Variants in ROBO2 observed in about 807,000 individuals in gnomAD.
ROBO2 encodes roundabout homolog 2.
In ROBO2, 53 loss-of-function variants were observed where a neutral mutation model predicts 160.8. The ratio of observed to expected loss-of-function variants is 0.33; its 90% CI spans 0.26 to 0.41. The LOEUF is 0.41. Among genes scored for constraint, ROBO2 ranks in the 10% least tolerant of loss-of-function variants. The pLI, the probability that ROBO2 is intolerant of heterozygous loss-of-function variation, is 1.00. For synonymous variants in ROBO2, 664 were observed against 611.7 expected (o/e 1.09, Z -1.26); for missense variants, 1,577 against 1,722.4 (o/e 0.92, Z 1.49).
chr3:77,367,094 C>T (rs977630767), intron 2 of ROBO2, among the ~76,000 whole-genome samples: 5 of 152,104 alleles, frequency 3.3e-5, no homozygotes, highest in Non-Finnish European at 7.4e-5. Context: ...CTTTGAAACC[C>T]TTTGCCTGAA....
At chr3:76,852,877 C>A (rs752768830) in intron 2 of ROBO2, among the ~76,000 whole-genome samples, 44 of 152,144 alleles carry the variant, frequency 2.9e-4, no homozygotes, top group Middle Eastern at 3.4e-3. Context: ...ACTAAAAAAT[C>A]TATATCTGCA....
chr3:77,259,300 A>G (rs1440669628), intron 2 of ROBO2, among the ~76,000 whole-genome samples: 1 of 152,242 alleles, frequency 6.6e-6, no homozygotes, highest in East Asian at 1.9e-4. Context: ...TGTAAGAATT[A>G]GCGTTCATAG....
chr3:76,908,163 T>TTACGTG (rs1167162231), intron 2 of ROBO2, among the ~76,000 whole-genome samples: 1 of 152,016 alleles, frequency 6.6e-6, no homozygotes, highest in Non-Finnish European at 1.5e-5. Context: ...TAATACCATG[T>TTACGTG]TACAAATAAG....
At chr3:77,419,865 T>C (rs1384698508) in intron 2 of ROBO2, among the ~76,000 whole-genome samples, 1 of 152,136 alleles carries the variant, frequency 6.6e-6, no homozygotes, top group African/African-American at 2.4e-5. Context: ...AAGGCTGATA[T>C]TTTTCAAGTA....
intron 2 of ROBO2, among the ~76,000 whole-genome samples, chr3:76,117,891 G>A (rs991418462): frequency 2.6e-5 from 4 of 152,080 alleles, no homozygotes; most frequent in Non-Finnish European, 5.9e-5. Flanking sequence ...AGTGGCCAGG[G>A]AAGGTTTATT....
intron 2 of ROBO2, among the ~76,000 whole-genome samples, chr3:76,902,934 G>A (rs1203452463): frequency 6.6e-6 from 1 of 151,730 alleles, no homozygotes; most frequent in Non-Finnish European, 1.5e-5. Flanking sequence ...TAATTGATAT[G>A]TTTTTAGTGT....
At chr3:76,898,075 T>A (rs2148856957) in intron 2 of ROBO2, among the ~76,000 whole-genome samples, 1 of 152,214 alleles carries the variant, frequency 6.6e-6, no homozygotes, top group Admixed American at 6.5e-5. Flanking sequence ...TTGTCTCTCA[T>A]AAGGGACATT....
intron 2 of ROBO2, among the ~76,000 whole-genome samples, chr3:76,052,594 G>T (rs554106144): frequency 6.6e-6 from 1 of 151,896 alleles, no homozygotes; most frequent in East Asian, 1.9e-4. Context: ...CAGTGTTTCT[G>T]TAAGGACTTT....
chr3:76,904,939 C>T (rs1356364185), intron 2 of ROBO2, among the ~76,000 whole-genome samples: 1 of 110,972 alleles, frequency 9.0e-6, no homozygotes, highest in Non-Finnish European at 2.0e-5. Context: ...AGTTTCTTGA[C>T]AGTTATGAAA....
intron 5 of ROBO2, among the ~76,000 whole-genome samples, chr3:77,498,375 G>A (rs546921031): frequency 1.4e-4 from 22 of 152,178 alleles, no homozygotes; most frequent in African/African-American, 4.3e-4. Context: ...TGCACATAGT[G>A]GATATAATTA....
At chr3:76,882,574 A>T (rs1187192400) in intron 2 of ROBO2, among the ~76,000 whole-genome samples, 1 of 152,048 alleles carries the variant, frequency 6.6e-6, no homozygotes, top group Admixed American at 6.6e-5. Context: ...AGTGCCTGTT[A>T]CCTGTGTTTC....
At chr3:77,543,775 G>A (rs2092582950) in intron 6 of ROBO2, among the ~76,000 whole-genome samples, 1 of 152,046 alleles carries the variant, frequency 6.6e-6, no homozygotes, top group South Asian at 2.1e-4. Context: ...GGACTGTATA[G>A]AGTATCCAGG....
exon 22 of ROBO2, chr3:77,617,631 G>T: frequency 1.9e-6 from 3 of 1,614,118 alleles, no homozygotes; most frequent in Non-Finnish European, 2.5e-6. Context: ...TCGAGGCGTG[G>T]CTTCTTCTCC....
At chr3:76,788,348 C>T (rs2063134798) in intron 2 of ROBO2, among the ~76,000 whole-genome samples, 1 of 151,466 alleles carries the variant, frequency 6.6e-6, no homozygotes, top group African/African-American at 2.4e-5. Flanking sequence ...CTGTGCCTTA[C>T]CTTCTTAGCC....
chr3:77,642,491 A>G (rs941202173), intron 24 of ROBO2, among the ~76,000 whole-genome samples, 180 bp from the exon 26 acceptor site: 7 of 152,220 alleles, frequency 4.6e-5, no homozygotes, highest in African/African-American at 1.7e-4. Context: ...GCTATGGCCA[A>G]AAGACAGCAG....
rs188478245 is a variant in ROBO2, at chr3:77,072,051, C to T, written c.62-25963C>T. On this transcript the variant is annotated intron_variant, in intron 1 of 25. Transcript: ENST00000461745. ...ATCTGTATTTACAGCCTCTCCCCCT[C>T]GTTCGCATTACCACCTGAGCTCCGT... Among the ~76,000 whole-genome samples, 4 of 152,230 alleles carry T rather than the reference C, an allele frequency of 2.6e-5. No homozygotes were observed. The East Asian group carries it at 5.8e-4, about 22-fold the overall frequency.
chr3:76,671,095 C>T (rs1200236388), intron 2 of ROBO2, among the ~76,000 whole-genome samples: 2 of 151,990 alleles, frequency 1.3e-5, no homozygotes, highest in South Asian at 2.1e-4. Context: ...TGCCATAAGG[C>T]ATTACATGCT....
At chr3:77,555,024 T>A (rs2093060127) in intron 8 of ROBO2, among the ~76,000 whole-genome samples, 1 of 151,954 alleles carries the variant, frequency 6.6e-6, no homozygotes, top group South Asian at 2.1e-4. Flanking sequence ...TTGGCACAGC[T>A]ACCCCAATCT....
At chr3:76,177,481 C>A (rs2073272902) in intron 2 of ROBO2, among the ~76,000 whole-genome samples, 1 of 152,112 alleles carries the variant, frequency 6.6e-6, no homozygotes, top group Non-Finnish European at 1.5e-5. Flanking sequence ...AAGTAGCTGT[C>A]AATGACATTT....
Sources: gnomAD v4.1 joint callset for allele counts (sites outside exome capture counted in the v4.1 genomes callset) on GRCh38, gnomAD v4.1.1 for gene constraint, MANE v1.5 for transcripts, NCBI Gene and HGNC (gene_info 2026-07-23, HGNC 2026-07-21) for gene names.